Variants in ADGRL1 observed in about 807,000 individuals in gnomAD.
ADGRL1 encodes adhesion G protein-coupled receptor L1.
In ADGRL1, 31 loss-of-function variants were observed where a neutral mutation model predicts 148.9. The ratio of observed to expected loss-of-function variants is 0.21; its 90% confidence interval spans 0.16 to 0.28. The LOEUF (loss-of-function observed/expected upper bound fraction) is 0.28. ADGRL1 is among the 10% of genes least tolerant of loss of function. The probability of loss-of-function intolerance (pLI) is 1.00; values close to 1 mark genes in which losing one functional copy is unlikely to be tolerated. For synonymous variants in ADGRL1, 937 were observed against 900.3 expected (o/e 1.04, Z -0.73); for missense variants, 1,521 against 2,058.8 (o/e 0.74, Z 5.05).
chr19:14,152,932 C>A lies in ADGRL1; in HGVS notation c.3295-20G>T. Reference sequence around the variant, plus strand: ...GTGCACCTGGGAGGTGGAGGACAGTCAGCTGGCTGGGACACTGGCCTCCTC... The same window carrying A: ...GTGCACCTGGGAGGTGGAGGACAGTAAGCTGGCTGGGACACTGGCCTCCTC... On this transcript the variant is annotated intron_variant, in intron 18 of 22. Coordinates refer to ENST00000361434, the MANE Select transcript of ADGRL1 (RefSeq NM_014921.5). This position sits in a 1 kb window ranked among gnomAD's most constrained non-coding sequence, Gnocchi z 6.1. The A allele has an allele frequency of 1.2e-6, 2 of 1,612,230 alleles. No homozygotes were observed. Among genetic ancestry groups the A allele is most frequent in the South Asian group, 2.2e-5 (2 of 90,824 alleles).
rs764124754 is a variant in ADGRL1 at position 14,158,325 on chromosome 19, C to G, written c.2364+13G>C. The stretch of plus-strand genomic sequence containing the variant: ...AGGGACCCCCATGGAGGGAGGGGGA[C>G]GGCTCAGCTCACCTCCAGGTGGGCC... On this transcript the variant is annotated intron_variant, in intron 12 of 22. Transcript: ENST00000361434. The G allele has an allele frequency of 6.2e-7, 1 of 1,612,210 alleles. No individual in the cohort carries two copies. The highest frequency in any genetic ancestry group is 8.5e-7 in the Non-Finnish European group (1 of 1,179,412).
chr19:14,184,583 C>G (rs1221298747), intron 1 of ADGRL1, among the ~76,000 whole-genome samples: 1 of 151,066 alleles, frequency 6.6e-6, no homozygotes, highest in Non-Finnish European at 1.5e-5. Flanking sequence ...CAGGCTTGCA[C>G]CACTACCACC....
At chr19:14,158,115 C>T in intron 12 of ADGRL1, 63 bp from the exon 13 acceptor site, 2 of 1,528,384 alleles carry the variant, frequency 1.3e-6, no homozygotes, top group Non-Finnish European at 1.8e-6. Flanking sequence ...CCATTCCGAC[C>T]CCCCACACCT....
intron 4 of ADGRL1, among the ~76,000 whole-genome samples, chr19:14,164,052 G>A (rs1442678019): frequency 6.6e-6 from 1 of 151,996 alleles, no homozygotes; most frequent in Non-Finnish European, 1.5e-5. Flanking sequence ...TCCAGGATAG[G>A]GGTTTCAACT....
At chr19:14,165,760 G>A (rs1969902659) in intron 4 of ADGRL1, among the ~76,000 whole-genome samples, 1 of 151,518 alleles carries the variant, frequency 6.6e-6, no homozygotes, top group Non-Finnish European at 1.5e-5. Context: ...AGGCCTCTCT[G>A]AGATGGGGGA....
chr19:14,191,699 T>C (rs1218314437), intron 1 of ADGRL1, among the ~76,000 whole-genome samples: 6 of 151,416 alleles, frequency 4.0e-5, no homozygotes, highest in African/African-American at 7.3e-5. Context: ...TCTCTCTCTT[T>C]TTTTTTTTTT....
In ADGRL1 at chr19:14,159,690, C is replaced by G; in HGVS notation, c.1839+45G>C. 6.2e-7 allele frequency: 1 copy of G among 1,607,806 alleles called. No individual in the cohort carries two copies. On this transcript the variant is annotated intron_variant, in intron 9 of 22. Coordinates refer to ENST00000361434, the MANE Select transcript of ADGRL1 (RefSeq NM_014921.5). This position sits in a 1 kb window ranked among gnomAD's most constrained non-coding sequence, Gnocchi z 6.0. ...CAACCTCCACCCCTAATCCCCCCAT[C>G]AGCTGGAGCCCACGGTCCTTACACT...
chr19:14,184,638 A>ATT lies in ADGRL1; in HGVS notation c.-95-943_-95-942dup, dbSNP rs1293975046. Among the ~76,000 whole-genome samples, 68 of 120,948 alleles carry ATT rather than the reference A, an allele frequency of 5.6e-4. 2 individuals are homozygous for ATT. The South Asian group carries it at 6.0e-3, about 11-fold the overall frequency. The allele number at this position is 120,948 out of a possible 152,430, so 79.3% of individuals were successfully genotyped here. ...TATTTATTTATTTATTTATTTATTT[A>ATT]TTTATTTATTTTTTTTTCTGAGACG... On this transcript the variant is annotated intron_variant, in intron 1 of 22. Transcript: ENST00000361434.
intron 1 of ADGRL1, among the ~76,000 whole-genome samples, chr19:14,200,402 G>A (rs1568635859): frequency 6.6e-6 from 1 of 152,188 alleles, no homozygotes; most frequent in Non-Finnish European, 1.5e-5. Context: ...CCACTAGGGG[G>A]CGTTCTGGGG....
At chr19:14,194,866 T>G (rs1369572663) in intron 1 of ADGRL1, among the ~76,000 whole-genome samples, 1 of 150,660 alleles carries the variant, frequency 6.6e-6, no homozygotes, top group East Asian at 1.9e-4. Context: ...CTTTTTTCTT[T>G]CCTTCTTTCT....
At position 14,160,226 on chromosome 19, in the gene ADGRL1, C is replaced by T. The variant is rs565099678; in HGVS notation, c.1686G>A (p.Ala562=). The change falls in exon 8 of 23, where the codon GCG becomes GCA. Residue 562 remains alanine, a synonymous_variant. Transcript: ENST00000361434. The surrounding 1 kb of genome is among the most constrained non-coding windows in gnomAD (Gnocchi z 5.9). ...GCTTCACAGAGGAGGAGACGTCCCC[C>T]GCGTAGATGGAGCCCCGGGTGTGTC... The part of the protein sequence containing the change: ...LARHTRGSIY[A]GDVSSSVKLM... 23 of 1,601,154 alleles carry T rather than the reference C, an allele frequency of 1.4e-5. No individual in the cohort carries two copies. The highest frequency in any genetic ancestry group is 4.5e-5 in the East Asian group (2 of 44,496).
rs965933945 is a variant in ADGRL1 at position 14,155,612 on chromosome 19, G to C, written c.3126-85C>G. The C allele has an allele frequency of 1.8e-5, 26 of 1,431,808 alleles. No individual in the cohort carries two copies. The African/African-American group carries it at 3.4e-4, about 19-fold the overall frequency. The allele number at this position is 1,431,808 out of a possible 1,614,324, so 88.7% of individuals were successfully genotyped here. Reference sequence around the variant, plus strand: ...GCCTCCCCTGCAGCCTACAACGGGGGCCCTTGGGTGGGCCTGGGCACTGTC... The same window carrying C: ...GCCTCCCCTGCAGCCTACAACGGGGCCCCTTGGGTGGGCCTGGGCACTGTC... On this transcript the variant is annotated intron_variant, in intron 17 of 22. Coordinates refer to ENST00000361434, the MANE Select transcript of ADGRL1 (RefSeq NM_014921.5). This position sits in a 1 kb window ranked among gnomAD's most constrained non-coding sequence, Gnocchi z 5.0.
chr19:14,173,540 G>A (rs1269242493), intron 3 of ADGRL1, among the ~76,000 whole-genome samples: 3 of 152,162 alleles, frequency 2.0e-5, no homozygotes. Context: ...GGGGATTACT[G>A]TACCCAAAAG....
rs573966874 is a variant in ADGRL1 at position 14,163,401 on chromosome 19, C to T, written c.400G>A (p.Val134Met). ...VQYDCVPYIFVCPGTLQKVLE... is the reference protein window; with the variant it reads ...VQYDCVPYIFMCPGTLQKVLE... ...ACCTTCTGCAGGGTCCCTGGGCACA[C>T]GAAGACTGGGCAGAGTGGGCGGGAG... Residue 134 changes from valine to methionine, a missense_variant, in exon 5 of 23, where the codon GTG becomes ATG. Physicochemically the swap from Val to Met is conservative, Grantham distance 21 (BLOSUM62 1). This residue lies in a region of ADGRL1 where 334 missense variants were observed against 512.5 expected (regional missense o/e 0.65). Transcript: ENST00000361434. The T allele has an allele frequency of 1.3e-5, 20 of 1,552,296 alleles. No homozygotes were observed. Among genetic ancestry groups the T allele is most frequent in the Admixed American group, 3.8e-5 (2 of 52,030 alleles).
chr19:14,183,092 G>A (rs965345941), intron 2 of ADGRL1, among the ~76,000 whole-genome samples: 8 of 152,186 alleles, frequency 5.3e-5, no homozygotes, highest in Non-Finnish European at 7.4e-5. Context: ...TCCTAGGGCC[G>A]GCATAGGGCC....
chr19:14,204,204 T>A (rs1432281814), intron 1 of ADGRL1, among the ~76,000 whole-genome samples: 3 of 152,180 alleles, frequency 2.0e-5, no homozygotes, highest in African/African-American at 7.2e-5. Context: ...ATGAAGGTTG[T>A]AATCCTTCTC....
At chr19:14,190,592 A>G (rs925122893) in intron 1 of ADGRL1, among the ~76,000 whole-genome samples, 1 of 152,182 alleles carries the variant, frequency 6.6e-6, no homozygotes, top group African/African-American at 2.4e-5. Context: ...GAAAGCTGAA[A>G]GCTTGTACCC....
At chr19:14,176,100 C>T (rs1268474257) in intron 3 of ADGRL1, among the ~76,000 whole-genome samples, 1 of 151,798 alleles carries the variant, frequency 6.6e-6, no homozygotes, top group African/African-American at 2.4e-5. Context: ...ACCTGTAGTC[C>T]CAGCACTTTG....
chr19:14,203,076 C>T (rs1972720797), intron 1 of ADGRL1, among the ~76,000 whole-genome samples: 1 of 152,158 alleles, frequency 6.6e-6, no homozygotes, highest in Non-Finnish European at 1.5e-5. Flanking sequence ...TGCCCAATAG[C>T]AACCACTTTG....
Sources: allele counts gnomAD v4.1 joint callset (sites outside exome capture counted in the v4.1 genomes callset), GRCh38; gene constraint gnomAD v4.1.1; regional missense constraint gnomAD v4.1.1; non-coding constraint Gnocchi (gnomAD v3.1); transcripts MANE v1.5; gene names NCBI Gene and HGNC (gene_info 2026-07-23, HGNC 2026-07-21).